The following VSIG10L2 variants were observed in gnomAD, a reference collection of about 807,000 sequenced individuals.
VSIG10L2 encodes V-set and immunoglobulin domain-containing protein 10-like 2.
A neutral mutation model predicts 67.1 loss-of-function variants in VSIG10L2; 56 were observed. The ratio of observed to expected loss-of-function variants is 0.83; its 90% CI spans 0.67 to 1.04. VSIG10L2 has a LOEUF of 1.04. Among genes scored for constraint, VSIG10L2 ranks in the 50% least tolerant of loss-of-function variants. VSIG10L2 has a pLI of 0.00. For missense variants in VSIG10L2, 843 were observed against 932.8 expected, an observed-to-expected ratio of 0.90 and a Z score of 1.25; for synonymous variants, 360 against 396.6, an observed-to-expected ratio of 0.91 and a Z score of 1.10.
At position 125,954,379 on chromosome 11, in the gene VSIG10L2, A is replaced by T; in HGVS notation, c.2079A>T (p.Ile693=). 8.1e-7 allele frequency: 1 copy of T among 1,232,142 alleles called. No homozygotes were observed. Among genetic ancestry groups the T allele is most frequent in the Non-Finnish European group, 1.0e-6 (1 of 988,018 alleles). The allele number at this position is 1,232,142 out of a possible 1,614,324, so 76.3% of individuals were successfully genotyped here. The change falls in exon 8 of 12, where the codon ATA becomes ATT. Residue 693 remains isoleucine (I), a synonymous_variant. Coordinates refer to ENST00000686984, the MANE Select transcript of VSIG10L2 (RefSeq NM_001365077.2). The part of the protein sequence containing the change: ...HTAGHPSEVK[I]PADPPFSAYP... ...CAGGACATCCCTCTGAGGTGAAGAT[A>T]CCAGGTGCCAGCTAATGCCAGGGAG...
Position 125,948,471 on chromosome 11 carries a change from A to G in VSIG10L2, c.600A>G (p.Pro200=). The change falls in exon 3 of 12, where the codon CCA becomes CCG. Residue 200 remains proline, a synonymous_variant. Transcript: ENST00000686984. ...AGGCCCTGGTGGGGGTCACTGAGCCACTATTCCAGCTGGACCCTGTCAACC... is the reference window on the plus strand; with the variant it reads ...AGGCCCTGGTGGGGGTCACTGAGCCGCTATTCCAGCTGGACCCTGTCAACC... ...LGEALVGVTE[P]LFQLDPVNRT... 1 of 1,232,398 alleles carries G rather than the reference A, an allele frequency of 8.1e-7. No individual in the cohort carries two copies. The highest frequency in any genetic ancestry group is 1.0e-6 in the Non-Finnish European group (1 of 988,146). The allele number at this position is 1,232,398 out of a possible 1,614,324, so 76.3% of individuals were successfully genotyped here.
In VSIG10L2 at chr11:125,946,242, C is replaced by G. The variant is rs57163186; in HGVS notation, c.82+105C>G. 4,573 of 397,858 alleles carry G rather than the reference C, an allele frequency of 0.011. 184 individuals carry two copies. The highest frequency in any genetic ancestry group is 0.081 in the African/African-American group (3,941 of 48,706). 24.6% of individuals were successfully genotyped at this position (397,858 alleles called of 1,614,324 possible). ...CTTTTGCACTCCATTCCATGAAGTC[C>G]GTTCAGTCATTCATCGGCTAGACAT... On this transcript the variant is annotated intron_variant, in intron 1 of 11. Transcript: ENST00000686984. This position sits in a 1 kb window ranked among gnomAD's most constrained non-coding sequence, Gnocchi z 4.4.
intron 1 of VSIG10L2, among the ~76,000 whole-genome samples, chr11:125,947,084 C>T (rs1368899401): frequency 6.6e-6 from 1 of 152,136 alleles, no homozygotes; most frequent in Non-Finnish European, 1.5e-5. Context: ...GTCCTTGTGA[C>T]CCCGGCACTC....
At chr11:125,948,686 T>A in intron 3 of VSIG10L2, 106 bp downstream of exon 3, 1 of 1,163,356 alleles carries the variant, frequency 8.6e-7, no homozygotes, top group Non-Finnish European at 1.1e-6. Flanking sequence ...ACTGCAGGAG[T>A]GCCTCGCCCT....
In VSIG10L2 at chr11:125,955,521, CCA is replaced by C; in HGVS notation, c.2231+16_2231+17del. 1.8e-6 allele frequency: 2 copies of C among 1,125,784 alleles called. No homozygotes were observed. The highest frequency in any genetic ancestry group is 2.8e-5 in the East Asian group (1 of 36,036). 69.7% of individuals were successfully genotyped at this position (1,125,784 alleles called of 1,614,324 possible). ...CTTGTTCCCACGTGAGTGTGGAACC[CCA>C]GTCATCCTGGGGGCCAGGGCTTTCC... On this transcript the variant is annotated intron_variant, in intron 10 of 11. Transcript: ENST00000686984.
chr11:125,948,260 C>T, intron 2 of VSIG10L2, 45 bp from the exon 3 acceptor site: 1 of 1,232,240 alleles, frequency 8.1e-7, no homozygotes, highest in Non-Finnish European at 1.0e-6. Flanking sequence ...CTGGGCGTGT[C>T]CTGGGTCTGT....
chr11:125,955,408 G>T (rs1373226766), intron 9 of VSIG10L2, among the ~76,000 whole-genome samples, 74 bp from the exon 10 acceptor site: 2 of 152,224 alleles, frequency 1.3e-5, no homozygotes, highest in African/African-American at 4.8e-5. Context: ...AGCCCACTGG[G>T]AAAGAGACGG....
rs1945305066 is a variant in VSIG10L2, at chr11:125,946,546, T to TTTTG, written c.82+412_82+413insGTTT. Among the ~76,000 whole-genome samples, 1 of 148,598 alleles carries TTTTG rather than the reference T, an allele frequency of 6.7e-6. No individual in the cohort carries two copies. Among genetic ancestry groups the TTTTG allele is most frequent in the African/African-American group, 2.5e-5 (1 of 40,732 alleles). ...TTTCTGGGTTACATATTTTTATTCT[T>TTTTG]TTTTTTTTTTTGAGATGGAGTCTTG... On this transcript the variant is annotated intron_variant, in intron 1 of 11. Transcript: ENST00000686984. This position sits in a 1 kb window ranked among gnomAD's most constrained non-coding sequence, Gnocchi z 4.4.
In VSIG10L2 at chr11:125,950,149, G is replaced by A. The variant is rs75340137; in HGVS notation, c.845G>A (p.Arg282His). The change falls in exon 4 of 12, where the codon CGT becomes CAT. Residue 282 changes from arginine (R) to histidine (H), a missense_variant. Around this residue, in one of 2 missense-constraint regions of VSIG10L2, gnomAD observed 446 missense variants for 548.4 expected, o/e 0.81. Coordinates refer to ENST00000686984, the MANE Select transcript of VSIG10L2 (RefSeq NM_001365077.2). The stretch of plus-strand genomic sequence containing the variant: ...CCACCTAGTCACTATGTGTGGCTCC[G>A]TGACCACACGCAAGTCCACACGGGG... ...SNPPSHYVWL[R>H]DHTQVHTGPT... is the part of the protein sequence containing the mutation. The A allele has an allele frequency of 1.0e-3, 1,282 of 1,232,272 alleles. 1 individual carries two copies. The highest frequency in any genetic ancestry group is 1.3e-3 in the Non-Finnish European group (1,242 of 988,080). The allele number at this position is 1,232,272 out of a possible 1,614,324, so 76.3% of individuals were successfully genotyped here. A position where few individuals can be genotyped will look rare whatever the true frequency, so the allele number is the denominator to read the frequency against.
chr11:125,953,702 G>A lies in VSIG10L2; in HGVS notation c.1786+12G>A. The A allele has an allele frequency of 1.6e-6, 2 of 1,232,292 alleles. No individual in the cohort carries two copies. Among genetic ancestry groups the A allele is most frequent in the Non-Finnish European group, 2.0e-6 (2 of 988,054 alleles). The allele number at this position is 1,232,292 out of a possible 1,614,324, so 76.3% of individuals were successfully genotyped here. A position where few individuals can be genotyped will look rare whatever the true frequency, so the allele number is the denominator to read the frequency against. ...GCTGGAGGTCCTGAGTGAGTGAGGG[G>A]TTGAATGCGTGTGTGTGGTGAGGTG... On this transcript the variant is annotated intron_variant, in intron 7 of 11. Transcript: ENST00000686984.
In VSIG10L2 at chr11:125,955,504, C is replaced by T. The variant is rs1037306322; in HGVS notation, c.2229C>T (p.Pro743=). The part of the protein sequence containing the change: ...TFPRLGQLLV[P]TEQRHQQRGS... ...CAGGCCTTGGTCAATTGCTTGTTCC[C>T]ACGTGAGTGTGGAACCCCAGTCATC... The change falls in exon 10 of 12, where the codon CCC becomes CCT. Residue 743 remains proline, a splice_region_variant and synonymous_variant. Coordinates refer to ENST00000686984, the MANE Select transcript of VSIG10L2 (RefSeq NM_001365077.2). 4.5e-5 allele frequency: 43 copies of T among 947,186 alleles called. No homozygotes were observed. The Admixed American group carries it at 9.1e-4, about 20-fold the overall frequency. The allele number at this position is 947,186 out of a possible 1,614,324, so 58.7% of individuals were successfully genotyped here.
chr11:125,950,632 G>T (rs1375605982), intron 4 of VSIG10L2, among the ~76,000 whole-genome samples: 1 of 152,136 alleles, frequency 6.6e-6, no homozygotes, highest in Non-Finnish European at 1.5e-5. Context: ...GGTGCCCAGG[G>T]ACAGAGACGA....
chr11:125,950,413 T>C, intron 4 of VSIG10L2, 124 bp downstream of exon 4: 1 of 1,039,744 alleles, frequency 9.6e-7, no homozygotes, highest in Non-Finnish European at 1.2e-6. Flanking sequence ...AAGCTGCTCT[T>C]GTTGGAGGGA....
At chr11:125,949,946 G>GA (rs1945343720) in intron 3 of VSIG10L2, 68 bp from the exon 4 acceptor site, 1 of 1,222,218 alleles carries the variant, frequency 8.2e-7, no homozygotes, top group African/African-American at 1.6e-5. Context: ...CATACATTCA[G>GA]AGATGAGCAT....
intron 5 of VSIG10L2, 47 bp from the exon 6 acceptor site, chr11:125,951,766 G>T: frequency 1.4e-6 from 2 of 1,437,894 alleles, no homozygotes; most frequent in Non-Finnish European, 1.8e-6. Context: ...GAACTGCCAA[G>T]CCCTTCCTCC....
Position 125,953,515 on chromosome 11 carries a change from G to C in VSIG10L2, c.1611G>C (p.Gly537=). Residue 537 remains glycine, a synonymous_variant, in exon 7 of 12, where the codon GGG becomes GGC. Transcript: ENST00000686984. ...CACCTGCCCAGCTCCTCTGGCTGGG[G>C]CCTCAACAACAAAAAGTGGACCCCG... ...GTPPAQLLWL[G]PQQQKVDPGT... is the part of the protein sequence containing the mutation. 8.1e-7 allele frequency: 1 copy of C among 1,232,264 alleles called. No homozygotes were observed. Among genetic ancestry groups the C allele is most frequent in the Non-Finnish European group, 1.0e-6 (1 of 988,086 alleles). 76.3% of individuals were successfully genotyped at this position (1,232,264 alleles called of 1,614,324 possible). A position where few individuals can be genotyped will look rare whatever the true frequency, so the allele number is the denominator to read the frequency against.
chr11:125,948,334 A>C lies in VSIG10L2; in HGVS notation c.463A>C (p.Ser155Arg). The C allele has an allele frequency of 8.1e-7, 1 of 1,232,612 alleles. No homozygotes were observed. The highest frequency in any genetic ancestry group is 1.0e-6 in the Non-Finnish European group (1 of 988,348). The allele number at this position is 1,232,612 out of a possible 1,614,324, so 76.4% of individuals were successfully genotyped here. Reference protein sequence around the residue: ...VPVSKPQVRLSNPSPVEGASV... With the variant: ...VPVSKPQVRLRNPSPVEGASV... Reference sequence around the variant, plus strand: ...GGTGTCCAAGCCTCAAGTGCGACTGAGTAACCCGTCCCCTGTGGAGGGAGC... The same window carrying C: ...GGTGTCCAAGCCTCAAGTGCGACTGCGTAACCCGTCCCCTGTGGAGGGAGC... Residue 155 changes from serine (S) to arginine (R), a missense_variant, in exon 3 of 12, where the codon AGT becomes CGT. Physicochemically the swap from Ser to Arg is moderately radical, Grantham distance 110. Transcript: ENST00000686984.
rs1014963595 is a variant in VSIG10L2, at chr11:125,946,834, G to A, written c.82+697G>A. Among the ~76,000 whole-genome samples, 81 of 152,310 alleles carry A rather than the reference G, an allele frequency of 5.3e-4. No individual in the cohort carries two copies. The highest frequency in any genetic ancestry group is 9.8e-4 in the Admixed American group (15 of 15,290). ...ATTACAGGCCTGAGCCACTGAGCCC[G>A]GCCCCAGAGACTTACTTTCATGCAA... On this transcript the variant is annotated intron_variant, in intron 1 of 11. Coordinates refer to ENST00000686984, the MANE Select transcript of VSIG10L2 (RefSeq NM_001365077.2). This position sits in a 1 kb window ranked among gnomAD's most constrained non-coding sequence, Gnocchi z 4.4.
intron 6 of VSIG10L2, among the ~76,000 whole-genome samples, 193 bp from the exon 7 acceptor site, chr11:125,953,207 G>T (rs1240821752): frequency 6.6e-6 from 1 of 152,182 alleles, no homozygotes; most frequent in Non-Finnish European, 1.5e-5. Context: ...ATATTAGCGA[G>T]CCCTGGCGCA....
Sources: allele counts gnomAD v4.1 joint callset (sites outside exome capture counted in the v4.1 genomes callset), GRCh38; gene constraint gnomAD v4.1.1; regional missense constraint gnomAD v4.1.1; non-coding constraint Gnocchi (gnomAD v3.1); transcripts MANE v1.5; gene names NCBI Gene and HGNC (gene_info 2026-07-23, HGNC 2026-07-21).